The following SLC4A4 variants were observed in gnomAD, a reference collection of about 807,000 sequenced individuals.
The protein encoded by SLC4A4 is electrogenic sodium bicarbonate cotransporter 1.
A neutral mutation model predicts 111.5 loss-of-function variants in SLC4A4; 27 were observed. That is an observed-to-expected ratio of 0.24 (90% CI 0.18 to 0.33). The LOEUF (loss-of-function observed/expected upper bound fraction) is 0.33. Ranked by LOEUF, SLC4A4 falls within the 10% of genes least tolerant of loss-of-function variation. The pLI, the probability that SLC4A4 is intolerant of heterozygous loss-of-function variation, is 1.00. For synonymous variants in SLC4A4, 443 were observed against 463.4 expected (o/e 0.96, Z 0.57); for missense variants, 909 against 1,315.5 (o/e 0.69, Z 4.78).
At position 71,191,552 on chromosome 4, in the gene SLC4A4, GA is replaced by G. The variant is rs141862623; in HGVS notation, c.-2+4153del. ...GGTGAATGTCCTTTTAGTCACAGCA[GA>G]AGATACTAAAGCAGATAAAAGTTTA... On this transcript the variant is annotated intron_variant, in intron 1 of 25. Coordinates refer to ENST00000264485, the MANE Select transcript of SLC4A4 (RefSeq NM_001098484.3). Among the ~76,000 whole-genome samples, 317 of 152,334 alleles carry G rather than the reference GA, an allele frequency of 2.1e-3. 2 individuals are homozygous for G. The highest frequency in any genetic ancestry group is 7.1e-3 in the African/African-American group (297 of 41,586).
At chr4:71,236,771 T>C (rs1719844310) in intron 2 of SLC4A4, 122 bp downstream of exon 2, 1 of 821,290 alleles carries the variant, frequency 1.2e-6, no homozygotes, top group Admixed American at 2.1e-5. Context: ...TTCTATAGAG[T>C]TTCATCAATC....
At chr4:71,502,073 T>C (rs1730986158) in intron 16 of SLC4A4, among the ~76,000 whole-genome samples, 1 of 152,206 alleles carries the variant, frequency 6.6e-6, no homozygotes, top group Non-Finnish European at 1.5e-5. Context: ...GGGATTCTTG[T>C]GCCTCAACCT....
chr4:71,124,866 A>T (rs112046748), intron 2 of SLC4A4, among the ~76,000 whole-genome samples: 1 of 152,294 alleles, frequency 6.6e-6, no homozygotes, highest in African/African-American at 2.4e-5. Context: ...TCCTATTTCC[A>T]CACTACGTAA....
intron 14 of SLC4A4, among the ~76,000 whole-genome samples, chr4:71,482,427 AT>A (rs1192454590): frequency 6.6e-6 from 1 of 151,608 alleles, no homozygotes; most frequent in Non-Finnish European, 1.5e-5. Flanking sequence ...AATGAGCAGA[AT>A]TGATGCTTAT....
chr4:71,120,248 C>T (rs1298821153), intron 2 of SLC4A4, among the ~76,000 whole-genome samples: 2 of 152,150 alleles, frequency 1.3e-5, no homozygotes, highest in Non-Finnish European at 2.9e-5. Context: ...TTTTGTATTG[C>T]TTCTGTCAGG....
intron 6 of SLC4A4, among the ~76,000 whole-genome samples, chr4:71,387,740 C>A (rs980922486): frequency 6.6e-6 from 1 of 152,080 alleles, no homozygotes; most frequent in Non-Finnish European, 1.5e-5. Flanking sequence ...GTGATCTGCC[C>A]GCCTCGGCCT....
intron 2 of SLC4A4, among the ~76,000 whole-genome samples, chr4:71,094,256 C>G (rs1044121156): frequency 6.6e-6 from 1 of 152,096 alleles, no homozygotes; most frequent in Non-Finnish European, 1.5e-5. Context: ...GGTGTCTTGT[C>G]CTGCCTGGTT....
rs116131693 is a variant in SLC4A4 at position 71,078,205 on chromosome 4, C to T, written c.-64-14525C>T. Among the ~76,000 whole-genome samples, 405 of 152,218 alleles carry T rather than the reference C, an allele frequency of 2.7e-3. 2 individuals carry two copies. The highest frequency in any genetic ancestry group is 9.2e-3 in the African/African-American group (383 of 41,506). The stretch of plus-strand genomic sequence containing the variant: ...ATGCATCAAACCATCTTTGAATGTA[C>T]AATTAGCATTCATTCATTCATTCAT... On this transcript the variant is annotated intron_variant, in intron 1 of 26. Transcript: ENST00000649996.
chr4:71,340,545 T>G (rs1159865117), intron 4 of SLC4A4, among the ~76,000 whole-genome samples: 1 of 152,208 alleles, frequency 6.6e-6, no homozygotes, highest in Non-Finnish European at 1.5e-5. Flanking sequence ...CTTCAGGAAT[T>G]CACTGGGGGT....
intron 8 of SLC4A4, among the ~76,000 whole-genome samples, chr4:71,446,759 C>G (rs1420609576): frequency 6.6e-6 from 1 of 152,202 alleles, no homozygotes; most frequent in East Asian, 1.9e-4. Flanking sequence ...TTAGGTGATA[C>G]ATGATCAATA....
intron 23 of SLC4A4, 149 bp downstream of exon 23, chr4:71,560,403 C>A: frequency 1.3e-6 from 1 of 773,660 alleles, no homozygotes; most frequent in Non-Finnish European, 1.9e-6. Flanking sequence ...CCTCCCTTTG[C>A]CCTTTATATT....
intron 2 of SLC4A4, among the ~76,000 whole-genome samples, chr4:71,127,851 C>T (rs777454115): frequency 2.0e-5 from 3 of 152,096 alleles, no homozygotes; most frequent in Admixed American, 6.5e-5. Flanking sequence ...CGGCTGGGCA[C>T]GGTGGCTCAC....
chr4:71,505,023 C>G (rs960824514), intron 16 of SLC4A4, among the ~76,000 whole-genome samples: 1 of 152,056 alleles, frequency 6.6e-6, no homozygotes, highest in African/African-American at 2.4e-5. Context: ...GATAAATGGC[C>G]CCTAGCTCCA....
chr4:71,083,977 A>G (rs191001499), intron 1 of SLC4A4, among the ~76,000 whole-genome samples: 1 of 151,562 alleles, frequency 6.6e-6, no homozygotes, highest in East Asian at 1.9e-4. Flanking sequence ...TGTAAGATCT[A>G]CTTCTGCCTC....
At chr4:71,256,462 G>C (rs1468734924) in intron 3 of SLC4A4, among the ~76,000 whole-genome samples, 2 of 152,190 alleles carry the variant, frequency 1.3e-5, no homozygotes, top group African/African-American at 2.4e-5. Context: ...GGAAGCTAGA[G>C]AAGTGCGGTG....
In SLC4A4 at chr4:71,202,662, C is replaced by T. The variant is rs1237080517; in HGVS notation, c.-2+15261C>T. On this transcript the variant is annotated intron_variant, in intron 1 of 25. Coordinates refer to ENST00000264485, the MANE Select transcript of SLC4A4 (RefSeq NM_001098484.3). ...TTTAAAAAAGAGGGCTTCCTTGAAT[C>T]CATTTTCCTCCCCAGTTTTAATTTA... 2.0e-5 allele frequency among the ~76,000 whole-genome samples: 3 copies of T among 152,056 alleles called. No individual in the cohort carries two copies. The East Asian group carries it at 5.8e-4, about 29-fold the overall frequency.
intron 1 of SLC4A4, among the ~76,000 whole-genome samples, chr4:71,190,409 C>G (rs180971037): frequency 6.6e-6 from 1 of 151,092 alleles, no homozygotes; most frequent in African/African-American, 2.4e-5. Flanking sequence ...CACACACACA[C>G]ACACACACAC....
chr4:71,549,273 G>A (rs1162560005), intron 20 of SLC4A4, among the ~76,000 whole-genome samples: 1 of 151,840 alleles, frequency 6.6e-6, no homozygotes, highest in African/African-American at 2.4e-5. Context: ...TATCCTATAG[G>A]CACCAGCACA....
intron 15 of SLC4A4, among the ~76,000 whole-genome samples, chr4:71,489,529 C>T (rs1269398888): frequency 6.6e-6 from 1 of 151,716 alleles, no homozygotes; most frequent in East Asian, 2.0e-4. Flanking sequence ...GGCATGTAGT[C>T]ATCTCTCAGT....
Sources: gnomAD v4.1 joint callset for allele counts (sites outside exome capture counted in the v4.1 genomes callset) on GRCh38, gnomAD v4.1.1 for gene constraint, MANE v1.5 for transcripts, NCBI Gene and HGNC (gene_info 2026-07-23, HGNC 2026-07-21) for gene names.